Variants in RARG observed in about 807,000 individuals in gnomAD.
RARG encodes RAR-gamma.
RARG carries 17 observed loss-of-function variants against 43.7 expected under a neutral mutation model. The ratio of observed to expected loss-of-function variants is 0.39; its 90% CI spans 0.27 to 0.58. The LOEUF (loss-of-function observed/expected upper bound fraction) is 0.58. RARG is among the 20% of genes least tolerant of loss of function. RARG has a pLI of 0.57. For synonymous variants in RARG, 238 were observed against 236.4 expected (o/e 1.01, Z -0.06); for missense variants, 346 against 598.7 (o/e 0.58, Z 4.40).
intron 2 of RARG, among the ~76,000 whole-genome samples, chr12:53,228,674 T>G (rs1417329447): frequency 1.3e-5 from 2 of 152,188 alleles, no homozygotes; most frequent in East Asian, 1.9e-4. Context: ...CAGCTGACTT[T>G]ACTTCTCTGC....
At chr12:53,229,417 G>A (rs1943180086) in intron 2 of RARG, among the ~76,000 whole-genome samples, 1 of 152,056 alleles carries the variant, frequency 6.6e-6, no homozygotes, top group African/African-American at 2.4e-5. Context: ...CTGTCATGGA[G>A]GTTACAAGAA....
chr12:53,225,005 C>G (rs1592446429), intron 3 of RARG, among the ~76,000 whole-genome samples: 2 of 152,292 alleles, frequency 1.3e-5, no homozygotes, highest in African/African-American at 4.8e-5. Flanking sequence ...TCTCTCCTCT[C>G]CCTCTCCACT....
chr12:53,219,892 A>G (rs1565725003), intron 3 of RARG: 3 of 1,401,840 alleles, frequency 2.1e-6, no homozygotes, highest in South Asian at 3.1e-5. Context: ...ACACACGGAA[A>G]GAGTAAATCC....
rs1942749806 is a variant in RARG at position 53,215,988 on chromosome 12, GACCC to G, written c.185-198_185-195del. Among the ~76,000 whole-genome samples, 1 of 152,144 alleles carries G rather than the reference GACCC, an allele frequency of 6.6e-6. No individual in the cohort carries two copies. Among genetic ancestry groups the G allele is most frequent in the Non-Finnish European group, 1.5e-5 (1 of 68,030 alleles). ...GACCACTATTACCACAGCTTGTTGT[GACCC>G]TAGTTCACCCTCTACCCTCCACAGT... On this transcript the variant is annotated intron_variant, in intron 3 of 9. Transcript: ENST00000425354. This position sits in a 1 kb window ranked among gnomAD's most constrained non-coding sequence, Gnocchi z 6.4.
Position 53,215,518 on chromosome 12 carries a change from G to A in RARG, c.334-84C>T, listed in dbSNP as rs961479744. The A allele has an allele frequency of 1.9e-6, 3 of 1,596,744 alleles. No individual in the cohort carries two copies. The highest frequency in any genetic ancestry group is 2.6e-6 in the Non-Finnish European group (3 of 1,167,710). On this transcript the variant is annotated intron_variant, in intron 4 of 9. Coordinates refer to ENST00000425354, the MANE Select transcript of RARG (RefSeq NM_000966.6). This position sits in a 1 kb window ranked among gnomAD's most constrained non-coding sequence, Gnocchi z 6.4. ...TCACTGGCCTTGCAGGTTGCCCCAAGCCTGACCTAATCTATTAACCACCTA... is the reference window on the plus strand; with the variant it reads ...TCACTGGCCTTGCAGGTTGCCCCAAACCTGACCTAATCTATTAACCACCTA...
intron 1 of RARG, 36 bp downstream of exon 1, chr12:53,231,938 A>G (rs1452811167): frequency 2.5e-6 from 1 of 394,478 alleles, no homozygotes; most frequent in Non-Finnish European, 4.5e-6. Context: ...GACCCAGGCG[A>G]CGGGGCGGGC....
At chr12:53,229,235 C>A (rs1214981320) in intron 2 of RARG, among the ~76,000 whole-genome samples, 1 of 152,194 alleles carries the variant, frequency 6.6e-6, no homozygotes, top group East Asian at 1.9e-4. Context: ...TGCAGAGAGA[C>A]CATGGGGTGG....
intron 3 of RARG, among the ~76,000 whole-genome samples, chr12:53,226,065 G>C (rs987625349): frequency 4.6e-5 from 7 of 152,182 alleles, no homozygotes; most frequent in African/African-American, 1.7e-4. Context: ...ACACATCTTT[G>C]GGGACCTGGC....
chr12:53,211,945 T>G lies in RARG; in HGVS notation c.1178-82A>C. On this transcript the variant is annotated intron_variant, in intron 9 of 9. Transcript: ENST00000425354. The surrounding 1 kb of genome is among the most constrained non-coding windows in gnomAD (Gnocchi z 4.6). The stretch of plus-strand genomic sequence containing the variant: ...GGCCATCTCCCTAACCTTTCTCAAC[T>G]GCCCCTGACTCCCCTAGGGGGCGCC... 1 of 1,153,054 alleles carries G rather than the reference T, an allele frequency of 8.7e-7. No individual in the cohort carries two copies. The highest frequency in any genetic ancestry group is 1.1e-6 in the Non-Finnish European group (1 of 878,346). The allele number at this position is 1,153,054 out of a possible 1,614,324, so 71.4% of individuals were successfully genotyped here.
intron 3 of RARG, among the ~76,000 whole-genome samples, chr12:53,221,645 G>A (rs993241359): frequency 6.6e-6 from 1 of 152,090 alleles, no homozygotes; most frequent in African/African-American, 2.4e-5. Flanking sequence ...GGCTGGCCAC[G>A]TCAGAAGTTT....
In RARG at chr12:53,216,841, TGCGC is replaced by T. The variant is rs61199415; in HGVS notation, c.185-1051_185-1048del. Reference sequence around the variant, plus strand: ...GGGTAAGTGTGTGTGTGTGTGTGTGTGCGCGCGCGCGCGCGCGCGCGTGTGGTTG... The same window carrying T: ...GGGTAAGTGTGTGTGTGTGTGTGTGTGCGCGCGCGCGCGCGCGTGTGGTTG... On this transcript the variant is annotated intron_variant, in intron 3 of 9. Transcript: ENST00000425354. Among the ~76,000 whole-genome samples the T allele has an allele frequency of 4.8e-3, 622 of 129,418 alleles. 5 individuals carry two copies. The highest frequency in any genetic ancestry group is 0.019 in the African/African-American group (554 of 29,608). The allele number at this position is 129,418 out of a possible 152,430, so 84.9% of individuals were successfully genotyped here.
chr12:53,211,490 G>A lies in RARG; in HGVS notation c.*186C>T, dbSNP rs1348945228. On this transcript the variant is annotated 3_prime_UTR_variant, in exon 10 of 10. Coordinates refer to ENST00000425354, the MANE Select transcript of RARG (RefSeq NM_000966.6). The surrounding 1 kb of genome is among the most constrained non-coding windows in gnomAD (Gnocchi z 4.6). ...GCAGGCCCCCGGGACTGGCGAGGGA[G>A]CCGGTTAGATCAGGAAGGGGATGAA... is the stretch of plus-strand genomic sequence containing the variant. 4 of 506,510 alleles carry A rather than the reference G, an allele frequency of 7.9e-6. No homozygotes were observed. Among genetic ancestry groups the A allele is most frequent in the African/African-American group, 2.0e-5 (1 of 49,872 alleles). The allele number at this position is 506,510 out of a possible 1,614,324, so 31.4% of individuals were successfully genotyped here. A position where few individuals can be genotyped will look rare whatever the true frequency, so the allele number is the denominator to read the frequency against.
Position 53,227,614 on chromosome 12 carries a change from C to T in RARG, c.-69G>A, listed in dbSNP as rs536802730. 3.2e-3 allele frequency: 4,504 copies of T among 1,392,604 alleles called. 8 individuals carry two copies. Among genetic ancestry groups the T allele is most frequent in the Non-Finnish European group, 3.9e-3 (4,214 of 1,072,932 alleles). The allele number at this position is 1,392,604 out of a possible 1,614,324, so 86.3% of individuals were successfully genotyped here. On this transcript the variant is annotated 5_prime_UTR_variant, in exon 3 of 10. Transcript: ENST00000425354. The surrounding 1 kb of genome is among the most constrained non-coding windows in gnomAD (Gnocchi z 4.3). ...GCGAGGTCTTCAGCCACAGCCCCTGCCCATGCCCACTGCCCCAGCCTGGGA... is the reference window on the plus strand; with the variant it reads ...GCGAGGTCTTCAGCCACAGCCCCTGTCCATGCCCACTGCCCCAGCCTGGGA...
Position 53,227,104 on chromosome 12 carries a change from C to A in RARG, c.184+258G>T, listed in dbSNP as rs1319328427. On this transcript the variant is annotated intron_variant, in intron 3 of 9. Transcript: ENST00000425354. The surrounding 1 kb of genome is among the most constrained non-coding windows in gnomAD (Gnocchi z 4.3). ...CCCAGGAGGCAGTTTTAGATACCCA[C>A]CCCCCAAGTTTTAGGCCTGCTACCT... 6.6e-6 allele frequency among the ~76,000 whole-genome samples: 1 copy of A among 151,222 alleles called. No homozygotes were observed. Among genetic ancestry groups the A allele is most frequent in the African/African-American group, 2.5e-5 (1 of 40,694 alleles).
intron 3 of RARG, among the ~76,000 whole-genome samples, chr12:53,222,235 G>A (rs1453665816): frequency 1.3e-5 from 2 of 148,852 alleles, no homozygotes; most frequent in Non-Finnish European, 3.0e-5. Flanking sequence ...GAAAGAGAGA[G>A]AAAGAAAAGA....
Position 53,227,249 on chromosome 12 carries a change from AC to A in RARG, c.184+112del. On this transcript the variant is annotated intron_variant, in intron 3 of 9. Coordinates refer to ENST00000425354, the MANE Select transcript of RARG (RefSeq NM_000966.6). This position sits in a 1 kb window ranked among gnomAD's most constrained non-coding sequence, Gnocchi z 4.3. ...ATTCACTACTACTCCATTAGGCCAAACCCCTGTCCCCTGCCTGCCTTCCTAA... is the reference window on the plus strand; with the variant it reads ...ATTCACTACTACTCCATTAGGCCAAACCCTGTCCCCTGCCTGCCTTCCTAA... 1 of 1,195,164 alleles carries A rather than the reference AC, an allele frequency of 8.4e-7. No homozygotes were observed. Among genetic ancestry groups the A allele is most frequent in the South Asian group, 1.6e-5 (1 of 60,758 alleles). 74.0% of individuals were successfully genotyped at this position (1,195,164 alleles called of 1,614,324 possible).
At chr12:53,214,657 T>A in intron 5 of RARG, 51 bp from the exon 6 acceptor site, 3 of 1,530,678 alleles carry the variant, frequency 2.0e-6, no homozygotes, top group Non-Finnish European at 2.7e-6. Context: ...AGCCTCCCTT[T>A]GGGTGTCCTC....
chr12:53,214,948 T>C, intron 5 of RARG: 1 of 356,670 alleles, frequency 2.8e-6, no homozygotes, highest in Non-Finnish European at 5.0e-6. Flanking sequence ...GAGGGGGGGG[T>C]GGAGAGGAGG....
Position 53,213,374 on chromosome 12 carries a change from G to T in RARG, c.1018+122C>A, listed in dbSNP as rs1240773773. The stretch of plus-strand genomic sequence containing the variant: ...TTCAGAACTCTCTGGATGGGGCCAG[G>T]TGCAAGAATTACCAGCAGAAGAGAC... On this transcript the variant is annotated intron_variant, in intron 8 of 9. Coordinates refer to ENST00000425354, the MANE Select transcript of RARG (RefSeq NM_000966.6). This position sits in a 1 kb window ranked among gnomAD's most constrained non-coding sequence, Gnocchi z 4.7. The T allele has an allele frequency of 1.8e-5, 27 of 1,482,806 alleles. No individual in the cohort carries two copies. Among genetic ancestry groups the T allele is most frequent in the Non-Finnish European group, 2.2e-5 (24 of 1,076,674 alleles). 91.9% of individuals were successfully genotyped at this position (1,482,806 alleles called of 1,614,324 possible).
Sources: gnomAD v4.1 joint callset for allele counts (sites outside exome capture counted in the v4.1 genomes callset) on GRCh38, gnomAD v4.1.1 for gene constraint, Gnocchi (gnomAD v3.1) non-coding constraint, MANE v1.5 for transcripts, NCBI Gene and HGNC (gene_info 2026-07-23, HGNC 2026-07-21) for gene names.